The following LRP2 variants were observed in gnomAD, a reference collection of about 807,000 sequenced individuals.
LRP2 encodes the protein LDL receptor related protein 2, also known as low-density lipoprotein receptor-related protein 2.
A neutral mutation model predicts 531.0 loss-of-function variants in LRP2; 172 were observed. That is an observed-to-expected ratio of 0.32 (90% CI 0.29 to 0.37). The LOEUF (loss-of-function observed/expected upper bound fraction) is 0.37. Ranked by LOEUF, LRP2 falls within the 10% of genes least tolerant of loss-of-function variation. The pLI is 1.00. For missense variants in LRP2, 5,167 were observed against 5,868.3 expected, an observed-to-expected ratio of 0.88 and a Z score of 3.90; for synonymous variants, 1,992 against 2,027.6, an observed-to-expected ratio of 0.98 and a Z score of 0.47.
rs1254097442 is a variant in LRP2, at chr2:169,258,389, G to A, written c.2513+636C>T. Among the ~76,000 whole-genome samples the A allele has an allele frequency of 2.6e-5, 4 of 152,198 alleles. No individual in the cohort carries two copies. The East Asian group carries it at 7.7e-4, about 29-fold the overall frequency. ...GGAAGAACAGGTATGGATGTTCCCT[G>A]GGTAATCAGGCATTGGTGGGTTAGC... On this transcript the variant is annotated intron_variant, in intron 17 of 78. Transcript: ENST00000649046.
Position 169,278,269 on chromosome 2 carries a change from G to T in LRP2, c.1566-318C>A, listed in dbSNP as rs115626616. 2.0e-3 allele frequency among the ~76,000 whole-genome samples: 299 copies of T among 152,190 alleles called. 1 individual carries two copies. Among genetic ancestry groups the T allele is most frequent in the African/African-American group, 6.8e-3 (282 of 41,544 alleles). On this transcript the variant is annotated intron_variant, in intron 12 of 78. Coordinates refer to ENST00000649046, the MANE Select transcript of LRP2 (RefSeq NM_004525.3). ...GGAGGCCAACATAGAAGGATTGCTT[G>T]AGGCCCATGTTTCAAGACCAGCCTG... is the stretch of plus-strand genomic sequence containing the variant.
intron 16 of LRP2, among the ~76,000 whole-genome samples, chr2:169,269,205 T>A (rs1036810580): frequency 2.6e-5 from 4 of 152,072 alleles, no homozygotes; most frequent in Non-Finnish European, 4.4e-5. Context: ...TTCAATGCCA[T>A]CCCCATCAAG....
intron 3 of LRP2, among the ~76,000 whole-genome samples, chr2:169,314,416 C>G (rs976607506): frequency 7.3e-6 from 1 of 137,116 alleles, no homozygotes. Flanking sequence ...AAGCAAGACC[C>G]CTGTCTCTAA....
Position 169,242,946 on chromosome 2 carries a change from T to C in LRP2, c.3667+10A>G, listed in dbSNP as rs374683235. The C allele has an allele frequency of 4.3e-5, 69 of 1,593,442 alleles. No homozygotes were observed. Among genetic ancestry groups the C allele is most frequent in the Non-Finnish European group, 5.5e-5 (64 of 1,161,642 alleles). On this transcript the variant is annotated intron_variant, in intron 24 of 78. Coordinates refer to ENST00000649046, the MANE Select transcript of LRP2 (RefSeq NM_004525.3). The stretch of plus-strand genomic sequence containing the variant: ...CTTTGTCTGAAACATTCTGGGTATG[T>C]GTTACTTACGACAGCCTGCTTCATC...
rs769270455 is a variant in LRP2, at chr2:169,244,829, C to T, written c.3294G>A (p.Glu1098=). Residue 1098 remains glutamate, a synonymous_variant, in exon 22 of 79, where the codon GAG becomes GAA. Transcript: ENST00000649046. The part of the protein sequence containing the change: ...KRNDCVDGSD[E]HNCPTHAPAS... ...CAGGTGCGTGGGTGGGGCAGTTGTG[C>T]TCATCACTGCCATCCACACAGTCGT... The T allele has an allele frequency of 6.8e-6, 11 of 1,614,218 alleles. No individual in the cohort carries two copies. Among genetic ancestry groups the T allele is most frequent in the Non-Finnish European group, 9.3e-6 (11 of 1,180,042 alleles).
At chr2:169,272,859 C>T in intron 15 of LRP2, 68 bp downstream of exon 15, 6 of 1,598,132 alleles carry the variant, frequency 3.8e-6, no homozygotes, top group Non-Finnish European at 5.1e-6. Context: ...AGCAGTTAGT[C>T]TAGTTAGAGG....
chr2:169,330,342 G>T (rs1685231895), intron 1 of LRP2, among the ~76,000 whole-genome samples: 1 of 152,122 alleles, frequency 6.6e-6, no homozygotes. Flanking sequence ...ATAACCAAAT[G>T]GCAGCAGAAT....
At chr2:169,230,431 C>T (rs1689357790) in intron 31 of LRP2, among the ~76,000 whole-genome samples, 1 of 152,154 alleles carries the variant, frequency 6.6e-6, no homozygotes, top group Non-Finnish European at 1.5e-5. Context: ...TTTCAGTAAG[C>T]CTACATCTGC....
At position 169,128,243 on chromosome 2, in the gene LRP2, T is replaced by C. The variant is rs918636684; in HGVS notation, c.*420A>G. The C allele has an allele frequency of 5.6e-6, 1 of 178,636 alleles. No homozygotes were observed. The highest frequency in any genetic ancestry group is 2.4e-5 in the African/African-American group (1 of 41,708). 11.1% of individuals were successfully genotyped at this position (178,636 alleles called of 1,614,324 possible). On this transcript the variant is annotated 3_prime_UTR_variant, in exon 79 of 79. Coordinates refer to ENST00000649046, the MANE Select transcript of LRP2 (RefSeq NM_004525.3). ...GCGGGGCCTGGATTCCTTTCCTAGA[T>C]AATTTTATAGGAAATATGAGTGGTG... is the stretch of plus-strand genomic sequence containing the variant.
chr2:169,182,513 G>A, intron 50 of LRP2, 194 bp from the exon 51 acceptor site: 1 of 1,472,016 alleles, frequency 6.8e-7, no homozygotes, highest in Non-Finnish European at 9.0e-7. Flanking sequence ...GTGCAAGACT[G>A]TGTGCAATAA....
chr2:169,168,152 A>T (rs2105271410), intron 61 of LRP2, among the ~76,000 whole-genome samples: 1 of 150,734 alleles, frequency 6.6e-6, no homozygotes, highest in East Asian at 1.9e-4. Context: ...TGCTCCAGGA[A>T]GCTCTAGGGG....
At chr2:169,136,717 C>T (rs1335375175) in intron 76 of LRP2, among the ~76,000 whole-genome samples, 2 of 148,394 alleles carry the variant, frequency 1.3e-5, no homozygotes, top group Admixed American at 7.0e-5. Context: ...TCTTATAAAA[C>T]GGCCCCACCC....
At chr2:169,273,154 A>C (rs191643004) in intron 14 of LRP2, 87 bp from the exon 15 acceptor site, 2 of 1,440,014 alleles carry the variant, frequency 1.4e-6, no homozygotes. Flanking sequence ...CTTTTCACCT[A>C]TAGGTGAAAT....
chr2:169,306,395 G>A (rs1050236173), intron 4 of LRP2, among the ~76,000 whole-genome samples: 7 of 152,046 alleles, frequency 4.6e-5, no homozygotes, highest in African/African-American at 9.7e-5. Flanking sequence ...TTAGTCGGGC[G>A]TGGTGGCGCA....
At chr2:169,302,003 T>C (rs933617922) in intron 4 of LRP2, among the ~76,000 whole-genome samples, 45 of 152,222 alleles carry the variant, frequency 3.0e-4, no homozygotes, top group African/African-American at 1.1e-3. Flanking sequence ...TCCAGGTACC[T>C]AATATATTCA....
At chr2:169,166,374 G>A (rs914951743) in intron 61 of LRP2, among the ~76,000 whole-genome samples, 8 of 152,192 alleles carry the variant, frequency 5.3e-5, no homozygotes, top group Admixed American at 4.6e-4. Flanking sequence ...TTAAGTTAGG[G>A]AGAGGAAGGC....
In LRP2 at chr2:169,361,312, GTCTCTCTGTC is replaced by G. The variant is rs574610931; in HGVS notation, c.79+999_79+1008del. 1.0e-3 allele frequency among the ~76,000 whole-genome samples: 126 copies of G among 124,868 alleles called. 1 individual carries two copies. Among genetic ancestry groups the G allele is most frequent in the East Asian group, 2.5e-3 (10 of 4,036 alleles). The allele number at this position is 124,868 out of a possible 152,430, so 81.9% of individuals were successfully genotyped here. On this transcript the variant is annotated intron_variant, in intron 1 of 78. Coordinates refer to ENST00000649046, the MANE Select transcript of LRP2 (RefSeq NM_004525.3). The stretch of plus-strand genomic sequence containing the variant: ...CCCATTCATCCTCGGCCGGGTCTCT[GTCTCTCTGTC>G]TCTCTCTGTCTCTCTCTGTCTCTCT...
chr2:169,343,194 C>T (rs576429525), intron 1 of LRP2, among the ~76,000 whole-genome samples: 1 of 152,286 alleles, frequency 6.6e-6, no homozygotes, highest in African/African-American at 2.4e-5. Context: ...ACCAGGTCCA[C>T]CAACGTTTGA....
At chr2:169,328,015 G>T (rs951005297) in intron 1 of LRP2, among the ~76,000 whole-genome samples, 2 of 129,670 alleles carry the variant, frequency 1.5e-5, no homozygotes, top group African/African-American at 2.9e-5. Context: ...GAGGGAGGTG[G>T]GGGGGGGTCA....
Sources: gnomAD v4.1 joint callset for allele counts (sites outside exome capture counted in the v4.1 genomes callset) on GRCh38, gnomAD v4.1.1 for gene constraint, MANE v1.5 for transcripts, NCBI Gene and HGNC (gene_info 2026-07-23, HGNC 2026-07-21) for gene names.